The following KIAA0586 variants were observed in gnomAD, a reference collection of about 807,000 sequenced individuals.
The protein encoded by KIAA0586 is KIAA0586, also known as protein TALPID3.
In KIAA0586, 144 loss-of-function variants were observed where a neutral mutation model predicts 169.8. That is an observed-to-expected ratio of 0.85 (90% CI 0.74 to 0.97). The LOEUF is 0.97. Among genes scored for constraint, KIAA0586 ranks in the 50% least tolerant of loss-of-function variants. KIAA0586 has a pLI of 0.00. For synonymous variants in KIAA0586, 625 were observed against 612.4 expected, an observed-to-expected ratio of 1.02 and a Z score of -0.30; for missense variants, 1,854 against 1,823.0, an observed-to-expected ratio of 1.02 and a Z score of -0.31.
Position 58,488,838 on chromosome 14 carries a change from A to G in KIAA0586, c.3745A>G (p.Ile1249Val). The G allele has an allele frequency of 6.2e-7, 1 of 1,613,806 alleles. No homozygotes were observed. Among genetic ancestry groups the G allele is most frequent in the South Asian group, 1.1e-5 (1 of 91,060 alleles). The change falls in exon 24 of 31, where the codon ATT becomes GTT. Residue 1249 changes from isoleucine to valine, a missense_variant. Physicochemically the swap from Ile to Val is conservative, Grantham distance 29. Coordinates refer to ENST00000652326, the MANE Select transcript of KIAA0586 (RefSeq NM_001329943.3). Reference protein sequence around the residue: ...TLDKPISEGEILFSCGQKLAP... With the variant: ...TLDKPISEGEVLFSCGQKLAP... Reference sequence around the variant, plus strand: ...AGATAAACCCATCTCTGAAGGAGAGATTTTATTTAGCTGTGGTCAAAAATT... The same window carrying G: ...AGATAAACCCATCTCTGAAGGAGAGGTTTTATTTAGCTGTGGTCAAAAATT...
At chr14:58,449,479 T>C (rs780865154) in intron 7 of KIAA0586, among the ~76,000 whole-genome samples, 1 of 152,192 alleles carries the variant, frequency 6.6e-6, no homozygotes, top group Non-Finnish European at 1.5e-5. Flanking sequence ...CAGTGAGCTG[T>C]GATCATGCAG....
At chr14:58,555,099 C>CTTTTTTT (rs35845234), downstream of KIAA0586, among the ~76,000 whole-genome samples, 35 of 102,532 alleles carry the variant, frequency 3.4e-4, no homozygotes, top group African/African-American at 5.1e-4. Flanking sequence ...TTCTTTCTTT[C>CTTTTTTT]TTTTTTTTTT....
chr14:58,467,687 C>A, intron 15 of KIAA0586, 48 bp from the exon 16 acceptor site: 2 of 1,385,570 alleles, frequency 1.4e-6, no homozygotes, highest in Admixed American at 4.1e-5. Context: ...TAGACTTTTC[C>A]CTTTTTTTCT....
chr14:58,526,464 G>C (rs1408763373), intron 29 of KIAA0586, among the ~76,000 whole-genome samples: 12 of 152,292 alleles, frequency 7.9e-5, no homozygotes, highest in African/African-American at 2.6e-4. Context: ...CTGCAGCAGA[G>C]GGGCGTGAAT....
chr14:58,521,540 TGC>T, intron 29 of KIAA0586: 2 of 812,812 alleles, frequency 2.5e-6, no homozygotes, highest in Non-Finnish European at 4.3e-6. Flanking sequence ...CGGGCTGTAG[TGC>T]CCTCGAAATG....
intron 29 of KIAA0586, among the ~76,000 whole-genome samples, chr14:58,523,189 A>G (rs1053989843): frequency 6.6e-6 from 1 of 152,210 alleles, no homozygotes; most frequent in South Asian, 2.1e-4. Flanking sequence ...AAGGATTTCT[A>G]TAACATTTTT....
At chr14:58,524,405 G>A (rs1412607364) in intron 29 of KIAA0586, among the ~76,000 whole-genome samples, 5 of 152,106 alleles carry the variant, frequency 3.3e-5, no homozygotes, top group Admixed American at 2.0e-4. Context: ...AGAATTCTCC[G>A]GGAGTATTTA....
chr14:58,442,693 T>G lies in KIAA0586; in HGVS notation c.411-13T>G. The G allele has an allele frequency of 6.6e-7, 1 of 1,521,732 alleles. No homozygotes were observed. Among genetic ancestry groups the G allele is most frequent in the Non-Finnish European group, 8.8e-7 (1 of 1,129,948 alleles). 94.3% of individuals were successfully genotyped at this position (1,521,732 alleles called of 1,614,324 possible). On this transcript the variant is annotated splice_polypyrimidine_tract_variant and intron_variant, in intron 4 of 30. Coordinates refer to ENST00000652326, the MANE Select transcript of KIAA0586 (RefSeq NM_001329943.3). Reference sequence around the variant, plus strand: ...GTTTACTGAATACATTTTTATTGCTTTTTTATTTATAGAGCTCAAAGCATG... The same window carrying G: ...GTTTACTGAATACATTTTTATTGCTGTTTTATTTATAGAGCTCAAAGCATG...
At chr14:58,432,863 C>T (rs966269108) in intron 4 of KIAA0586, among the ~76,000 whole-genome samples, 5 of 152,074 alleles carry the variant, frequency 3.3e-5, no homozygotes, top group Admixed American at 6.6e-5. Flanking sequence ...ATTACAGGCA[C>T]CTGCCATCAT....
At chr14:58,472,022 G>A (rs906101308) in intron 17 of KIAA0586, among the ~76,000 whole-genome samples, 177 bp from the exon 18 acceptor site, 5 of 152,086 alleles carry the variant, frequency 3.3e-5, no homozygotes, top group African/African-American at 9.7e-5. Flanking sequence ...TGACCTAATG[G>A]CTTGGGGACT....
chr14:58,459,975 C>G lies in KIAA0586; in HGVS notation c.1789C>G (p.Pro597Ala). The change falls in exon 13 of 31, where the codon CCA (proline) becomes GCA (alanine). Residue 597 changes from proline (P) to alanine (A), a missense_variant. Coordinates refer to ENST00000652326, the MANE Select transcript of KIAA0586 (RefSeq NM_001329943.3). The part of the protein sequence containing the change: ...QDKTVNKSVI[P>A]RKHSQKQIEE... ...TAAAACTGTCAACAAATCTGTAATT[C>G]CAAGAAAACATTCTCAAAAGCAAAT... is the stretch of plus-strand genomic sequence containing the variant. The G allele has an allele frequency of 6.5e-7, 1 of 1,534,230 alleles. No homozygotes were observed. The highest frequency in any genetic ancestry group is 8.7e-7 in the Non-Finnish European group (1 of 1,145,656).
In KIAA0586 at chr14:58,470,700, C is replaced by T. The variant is rs779336272; in HGVS notation, c.2530C>T (p.Pro844Ser). The T allele has an allele frequency of 8.2e-6, 13 of 1,584,530 alleles. No homozygotes were observed. The highest frequency in any genetic ancestry group is 1.3e-5 in the African/African-American group (1 of 74,332). ...GTCTAGCCCCAAAGAAGCATCTCTT[C>T]CTCCTGTGCAAACTTGGATAAAGGT... is the stretch of plus-strand genomic sequence containing the variant. ...PLSSPKEASL[P>S]PVQTWIKTPE... is the part of the protein sequence containing the mutation. The change falls in exon 17 of 31, where the codon CCT becomes TCT. Residue 844 changes from proline to serine, a missense_variant. Pro to Ser is a moderately conservative substitution (Grantham distance 74). Transcript: ENST00000652326.
intron 29 of KIAA0586, among the ~76,000 whole-genome samples, chr14:58,518,883 A>G (rs561530617): frequency 1.3e-5 from 2 of 152,266 alleles, no homozygotes; most frequent in East Asian, 3.9e-4. Flanking sequence ...TATAATCCCA[A>G]CACTTTGAGA....
intron 28 of KIAA0586, among the ~76,000 whole-genome samples, chr14:58,510,342 C>T (rs981699337): frequency 5.3e-5 from 8 of 152,144 alleles, no homozygotes; most frequent in African/African-American, 1.9e-4. Flanking sequence ...GCACTCCACC[C>T]TGGTGACAGA....
chr14:58,450,823 G>A (rs2140709383), intron 8 of KIAA0586, 77 bp downstream of exon 8: 2 of 802,504 alleles, frequency 2.5e-6, no homozygotes, highest in Non-Finnish European at 4.0e-6. Context: ...AGTAACTGAA[G>A]TGGGATCTCT....
intron 1 of KIAA0586, 104 bp downstream of exon 1, chr14:58,428,567 A>G (rs1296104488): frequency 1.2e-6 from 1 of 850,112 alleles, no homozygotes; most frequent in Non-Finnish European, 1.8e-6. Flanking sequence ...GTTTGTACAG[A>G]TGTTTGAAAA....
At chr14:58,547,318 C>T (rs2047045282) in intron 30 of KIAA0586, among the ~76,000 whole-genome samples, 1 of 152,112 alleles carries the variant, frequency 6.6e-6, no homozygotes, top group Non-Finnish European at 1.5e-5. Flanking sequence ...TTACTGAGTG[C>T]TAAGCTCTGT....
Position 58,431,260 on chromosome 14 carries a change from A to T in KIAA0586, c.340+543A>T, listed in dbSNP as rs555855261. ...CTATTGCAGAGGTTTAGTATTAGAT[A>T]TGTTTATAAATTTTTTTTTTGAGAC... On this transcript the variant is annotated intron_variant, in intron 3 of 30. Transcript: ENST00000652326. Among the ~76,000 whole-genome samples, 3 of 152,228 alleles carry T rather than the reference A, an allele frequency of 2.0e-5. No homozygotes were observed. In the South Asian group the frequency reaches 6.2e-4, roughly 32 times the overall value.
At position 58,550,031 on chromosome 14, in the gene KIAA0586, G is replaced by C. The variant is rs1266466800; in HGVS notation, c.*2099G>C. 7.1e-6 allele frequency: 1 copy of C among 140,824 alleles called. No individual in the cohort carries two copies. Among genetic ancestry groups the C allele is most frequent in the Non-Finnish European group, 1.5e-5 (1 of 65,192 alleles). 8.7% of individuals were successfully genotyped at this position (140,824 alleles called of 1,614,324 possible). A position where few individuals can be genotyped will look rare whatever the true frequency, so the allele number is the denominator to read the frequency against. ...TTTTTTTTTTTTGAGATGGAATTTT[G>C]CTCGTTGCCCAGGCTGGAGTGCAAT... On this transcript the variant is annotated 3_prime_UTR_variant, in exon 31 of 31. Coordinates refer to ENST00000652326, the MANE Select transcript of KIAA0586 (RefSeq NM_001329943.3).
Sources: gnomAD v4.1 joint callset for allele counts (sites outside exome capture counted in the v4.1 genomes callset) on GRCh38, gnomAD v4.1.1 for gene constraint, MANE v1.5 for transcripts, NCBI Gene and HGNC (gene_info 2026-07-23, HGNC 2026-07-21) for gene names.